CRADD: variants seen among roughly 807,000 people sequenced by gnomAD.
CRADD encodes the protein death domain-containing protein CRADD.
CRADD carries 9 observed loss-of-function variants against 15.5 expected under a neutral mutation model. The observed-to-expected ratio is 0.58, with a 90% CI of 0.35 to 1.01. CRADD has a LOEUF of 1.01. Ranked by LOEUF, CRADD falls within the 50% of genes least tolerant of loss-of-function variation. The pLI is 0.02. For missense variants in CRADD, 227 were observed against 250.3 expected, an observed-to-expected ratio of 0.91 and a Z score of 0.63; for synonymous variants, 118 against 107.6, an observed-to-expected ratio of 1.10 and a Z score of -0.60.
chr12:93,709,364 T>G (rs548111425), intron 2 of CRADD, among the ~76,000 whole-genome samples: 1 of 152,314 alleles, frequency 6.6e-6, no homozygotes, highest in African/African-American at 2.4e-5. Flanking sequence ...CACCCAGGTA[T>G]TAAGCCCAGT....
intron 2 of CRADD, among the ~76,000 whole-genome samples, chr12:93,841,519 A>G (rs773239360): frequency 3.3e-5 from 5 of 152,164 alleles, no homozygotes; most frequent in Admixed American, 2.0e-4. Flanking sequence ...CTCTTTGTCA[A>G]GGGAGGGCTT....
intron 2 of CRADD, among the ~76,000 whole-genome samples, chr12:93,861,525 A>T (rs1360917799): frequency 1.3e-5 from 2 of 152,190 alleles, no homozygotes; most frequent in Non-Finnish European, 2.9e-5. Flanking sequence ...TGTCTTGCCC[A>T]GTGACACTTC....
chr12:93,780,386 G>A (rs1326128437), intron 2 of CRADD, among the ~76,000 whole-genome samples: 3 of 152,168 alleles, frequency 2.0e-5, no homozygotes, highest in Admixed American at 6.5e-5. Context: ...ACTGGCAGGC[G>A]TGCGCGGTAG....
At chr12:93,852,206 G>A (rs934265439), downstream of CRADD, among the ~76,000 whole-genome samples, 3 of 152,200 alleles carry the variant, frequency 2.0e-5, no homozygotes, top group African/African-American at 4.8e-5. Flanking sequence ...TTTCCTAATA[G>A]AGAGTTGCTT....
intron 2 of CRADD, among the ~76,000 whole-genome samples, chr12:93,823,131 G>C (rs946159093): frequency 1.3e-5 from 2 of 152,014 alleles, no homozygotes; most frequent in Non-Finnish European, 2.9e-5. Context: ...TGTCTCTACT[G>C]AAAATACAAA....
At chr12:93,687,627 C>T (rs759166002) in intron 2 of CRADD, among the ~76,000 whole-genome samples, 59 of 152,210 alleles carry the variant, frequency 3.9e-4, no homozygotes, top group Non-Finnish European at 6.6e-4. Flanking sequence ...TGCCTCCTTC[C>T]TCACTCACTG....
chr12:93,749,053 C>G (rs1338885808), intron 2 of CRADD, among the ~76,000 whole-genome samples: 3 of 152,182 alleles, frequency 2.0e-5, no homozygotes, highest in African/African-American at 7.2e-5. Context: ...CTGCCAGGCA[C>G]TATTCTGGGG....
chr12:93,786,509 T>A (rs12296443), intron 2 of CRADD, among the ~76,000 whole-genome samples: 5,783 of 152,276 alleles, frequency 0.038, 270 homozygotes, highest in East Asian at 0.19. Context: ...AATTTTTAAA[T>A]TTTTGTCTTG....
intron 2 of CRADD, among the ~76,000 whole-genome samples, chr12:93,840,790 C>T (rs1180796432): frequency 2.0e-5 from 3 of 152,048 alleles, no homozygotes; most frequent in African/African-American, 7.2e-5. Context: ...TGGTCTCGAA[C>T]TCCCGACCTA....
At chr12:93,860,975 G>T (rs1958315171) in intron 2 of CRADD, among the ~76,000 whole-genome samples, 1 of 152,182 alleles carries the variant, frequency 6.6e-6, no homozygotes, top group South Asian at 2.1e-4. Flanking sequence ...GCTGCTTGTG[G>T]TCTGGTGCTG....
At chr12:93,832,024 T>G (rs563495628) in intron 2 of CRADD, among the ~76,000 whole-genome samples, 1 of 152,172 alleles carries the variant, frequency 6.6e-6, no homozygotes, top group East Asian at 1.9e-4. Flanking sequence ...AACAGCATTA[T>G]AGCCAGGTTG....
intron 2 of CRADD, among the ~76,000 whole-genome samples, chr12:93,787,528 C>A: frequency 6.6e-6 from 1 of 151,902 alleles, no homozygotes; most frequent in East Asian, 1.9e-4. Context: ...AACTCAGTGT[C>A]TTTGTTTTTT....
intron 2 of CRADD, chr12:93,714,439 G>A (rs1408578313): frequency 7.9e-5 from 12 of 152,198 alleles, no homozygotes; most frequent in Admixed American, 7.9e-4. Context: ...CTTGGTTACA[G>A]AAAGATGTTT....
chr12:93,884,789 A>G (rs1015131556), intron 2 of CRADD, among the ~76,000 whole-genome samples: 1 of 152,218 alleles, frequency 6.6e-6, no homozygotes, highest in African/African-American at 2.4e-5. Context: ...AAAATTCTGC[A>G]ACAAAATGAC....
intron 2 of CRADD, among the ~76,000 whole-genome samples, chr12:93,834,637 C>T (rs7976905): frequency 0.025 from 3,825 of 152,204 alleles, 174 homozygotes; most frequent in African/African-American, 0.087. Context: ...TACAGGCCTG[C>T]GCCACCACAT....
chr12:93,696,792 AT>A (rs1256295726), intron 2 of CRADD, among the ~76,000 whole-genome samples: 7 of 152,230 alleles, frequency 4.6e-5, no homozygotes, highest in African/African-American at 1.7e-4. Flanking sequence ...ATAAAAAAGA[AT>A]ACAAGTGAAA....
chr12:93,703,978 CT>C lies in CRADD; in HGVS notation c.298+24928del, dbSNP rs71071759. 6.2e-3 allele frequency among the ~76,000 whole-genome samples: 557 copies of C among 90,264 alleles called. 2 individuals are homozygous for C. The highest frequency in any genetic ancestry group is 7.5e-3 in the African/African-American group (188 of 24,966). The allele number at this position is 90,264 out of a possible 152,430, so 59.2% of individuals were successfully genotyped here. ...TACCGTCAAATTATTTGGAGCCTTTCTTTTTTTTTTTTTTTTTTTTTTGTAG... is the reference window on the plus strand; with the variant it reads ...TACCGTCAAATTATTTGGAGCCTTTCTTTTTTTTTTTTTTTTTTTTTGTAG... On this transcript the variant is annotated intron_variant, in intron 2 of 2. Coordinates refer to ENST00000332896, the MANE Select transcript of CRADD (RefSeq NM_003805.5).
intron 2 of CRADD, among the ~76,000 whole-genome samples, chr12:93,701,283 C>G (rs867888407): frequency 4.4e-5 from 6 of 136,850 alleles, no homozygotes; most frequent in African/African-American, 1.7e-4. Context: ...ATCCTTCTCT[C>G]TCTCTCTCTG....
chr12:93,733,683 T>A (rs1466700353), intron 2 of CRADD: 2 of 152,184 alleles, frequency 1.3e-5, no homozygotes, highest in African/African-American at 4.8e-5. Flanking sequence ...TATGTCTTGC[T>A]TCATATTTGC....
Sources: allele counts gnomAD v4.1 joint callset (sites outside exome capture counted in the v4.1 genomes callset), GRCh38; gene constraint gnomAD v4.1.1; transcripts MANE v1.5; gene names NCBI Gene and HGNC (gene_info 2026-07-23, HGNC 2026-07-21).